EMC8: variants seen among roughly 807,000 people sequenced by gnomAD.
EMC8 encodes the protein ER membrane protein complex subunit 8, also known as COX4 neighbor.
EMC8 carries 11 observed loss-of-function variants against 24.3 expected under a neutral mutation model. The observed-to-expected ratio is 0.45, with a 90% CI of 0.28 to 0.75. The LOEUF (loss-of-function observed/expected upper bound fraction) is 0.75. Ranked by LOEUF, EMC8 falls within the 30% of genes least tolerant of loss-of-function variation. The probability of loss-of-function intolerance (pLI) is 0.12; values close to 1 mark genes in which losing one functional copy is unlikely to be tolerated. For missense variants in EMC8, 277 were observed against 282.7 expected (o/e 0.98, Z 0.14); for synonymous variants, 145 against 117.7 (o/e 1.23, Z -1.50).
At chr16:85,787,095 C>G (rs150705440) in intron 2 of EMC8, among the ~76,000 whole-genome samples, 2 of 152,132 alleles carry the variant, frequency 1.3e-5, no homozygotes, top group East Asian at 3.9e-4. Flanking sequence ...AGGTGAAGTT[C>G]AAAATGCTTC....
chr16:85,783,218 G>A (rs946279188), intron 2 of EMC8, among the ~76,000 whole-genome samples: 4 of 152,148 alleles, frequency 2.6e-5, no homozygotes, highest in African/African-American at 7.2e-5. Flanking sequence ...CAGGAGAATC[G>A]CTTGAACCCG....
intron 2 of EMC8, 41 bp downstream of exon 2, chr16:85,788,933 T>A: frequency 6.9e-7 from 1 of 1,441,412 alleles, no homozygotes; most frequent in South Asian, 1.1e-5. Flanking sequence ...GCCCAACACG[T>A]GCTCACTTCC....
intron 3 of EMC8, 45 bp from the exon 4 acceptor site, chr16:85,780,518 A>T (rs1904440109): frequency 6.8e-7 from 1 of 1,470,794 alleles, no homozygotes; most frequent in Non-Finnish European, 9.5e-7. Flanking sequence ...AATGCCAGCC[A>T]AACAGCAGCG....
At chr16:85,782,633 C>T (rs969015984) in intron 2 of EMC8, among the ~76,000 whole-genome samples, 2 of 152,194 alleles carry the variant, frequency 1.3e-5, no homozygotes, top group Non-Finnish European at 2.9e-5. Context: ...TTTAACAAGC[C>T]GCTAGTCTTG....
At chr16:85,788,405 C>T (rs1220201577) in intron 2 of EMC8, among the ~76,000 whole-genome samples, 1 of 152,278 alleles carries the variant, frequency 6.6e-6, no homozygotes, top group African/African-American at 2.4e-5. Flanking sequence ...AGATTATCAC[C>T]ACCTGAGTGT....
intron 2 of EMC8, among the ~76,000 whole-genome samples, chr16:85,783,563 G>A (rs1904610980): frequency 6.6e-6 from 1 of 152,180 alleles, no homozygotes; most frequent in African/African-American, 2.4e-5. Flanking sequence ...ACAGACTACT[G>A]CTCACCACTG....
At chr16:85,797,119 T>C (rs886346768) in intron 1 of EMC8, among the ~76,000 whole-genome samples, 1 of 152,158 alleles carries the variant, frequency 6.6e-6, no homozygotes. Context: ...ATTAAGATGG[T>C]TGGAAAGGCT....
At position 85,778,910 on chromosome 16, in the gene EMC8, G is replaced by A. The variant is rs555348797; in HGVS notation, c.*798C>T. 9 of 152,314 alleles carry A rather than the reference G, an allele frequency of 5.9e-5. No individual in the cohort carries two copies. The highest frequency in any genetic ancestry group is 2.2e-4 in the African/African-American group (9 of 41,570). 9.4% of individuals were successfully genotyped at this position (152,314 alleles called of 1,614,324 possible). On this transcript the variant is annotated 3_prime_UTR_variant, in exon 5 of 5. Coordinates refer to ENST00000253457, the MANE Select transcript of EMC8 (RefSeq NM_006067.5). ...TGACCAAATGTTCTAAGTATAAAAAGTACAGACGTCACTCTGCACAACTCG... is the reference window on the plus strand; with the variant it reads ...TGACCAAATGTTCTAAGTATAAAAAATACAGACGTCACTCTGCACAACTCG...
At chr16:85,798,246 C>G (rs992214736) in intron 1 of EMC8, among the ~76,000 whole-genome samples, 1 of 151,068 alleles carries the variant, frequency 6.6e-6, no homozygotes. Context: ...CTCAGCCTCC[C>G]GAGTGGCTGG....
rs893395731 is a variant in EMC8 at position 85,780,638 on chromosome 16, A to G, written c.379-165T>C. 1.3e-5 allele frequency: 8 copies of G among 606,310 alleles called. No individual in the cohort carries two copies. The East Asian group carries it at 2.2e-4, about 17-fold the overall frequency. The allele number at this position is 606,310 out of a possible 1,614,324, so 37.6% of individuals were successfully genotyped here. A position where few individuals can be genotyped will look rare whatever the true frequency, so the allele number is the denominator to read the frequency against. On this transcript the variant is annotated intron_variant, in intron 3 of 4. Transcript: ENST00000253457. ...TGGCGCGAGTGTCTGGCCTGAGGAAAACTGTTGTGTCATGCAGGAAAACGT... is the reference window on the plus strand; with the variant it reads ...TGGCGCGAGTGTCTGGCCTGAGGAAGACTGTTGTGTCATGCAGGAAAACGT...
chr16:85,798,283 G>A lies in EMC8; in HGVS notation c.231+782C>T, dbSNP rs376670630. Among the ~76,000 whole-genome samples the A allele has an allele frequency of 2.6e-4, 40 of 151,928 alleles. 1 individual carries two copies. The highest frequency in any genetic ancestry group is 9.7e-4 in the African/African-American group (40 of 41,386). On this transcript the variant is annotated intron_variant, in intron 1 of 4. Coordinates refer to ENST00000253457, the MANE Select transcript of EMC8 (RefSeq NM_006067.5). ...ATGACAGGCGCCCGCCACCACGCCC[G>A]GCTAAGTTTTGTATTTTTAGTAGAG...
intron 1 of EMC8, among the ~76,000 whole-genome samples, chr16:85,792,164 G>A (rs572870745): frequency 5.9e-5 from 9 of 152,154 alleles, no homozygotes; most frequent in Non-Finnish European, 1.3e-4. Flanking sequence ...TCAGAGCACA[G>A]AAACCACCTG....
chr16:85,787,948 G>A (rs1904827540), intron 2 of EMC8, among the ~76,000 whole-genome samples: 1 of 152,174 alleles, frequency 6.6e-6, no homozygotes, highest in Non-Finnish European at 1.5e-5. Flanking sequence ...TTTCCAAAGT[G>A]CTTGAGCTCA....
rs1418659834 is a variant in EMC8 at position 85,799,383 on chromosome 16, C to T, written c.-88G>A. ...GCCGCGCGGCGCCTCAGCCGAGAAG[C>T]GGGACGAGGCGGCGGCGATTGATGG... On this transcript the variant is annotated 5_prime_UTR_variant, in exon 1 of 5. Coordinates refer to ENST00000253457, the MANE Select transcript of EMC8 (RefSeq NM_006067.5). The surrounding 1 kb of genome is among the most constrained non-coding windows in gnomAD (Gnocchi z 4.2). The T allele has an allele frequency of 1.1e-5, 9 of 799,854 alleles. No individual in the cohort carries two copies. Among genetic ancestry groups the T allele is most frequent in the Non-Finnish European group, 1.4e-5 (8 of 558,836 alleles). The allele number at this position is 799,854 out of a possible 1,614,324, so 49.5% of individuals were successfully genotyped here. A position where few individuals can be genotyped will look rare whatever the true frequency, so the allele number is the denominator to read the frequency against.
At chr16:85,795,553 C>A (rs1173773640) in intron 1 of EMC8, among the ~76,000 whole-genome samples, 2 of 146,572 alleles carry the variant, frequency 1.4e-5, no homozygotes, top group African/African-American at 5.1e-5. Context: ...CTTAAGACCT[C>A]CAGGAGAGGG....
intron 2 of EMC8, 180 bp downstream of exon 2, chr16:85,788,794 T>C: frequency 1.6e-6 from 1 of 610,080 alleles, no homozygotes; most frequent in Non-Finnish European, 2.9e-6. Flanking sequence ...TAGAAATGTT[T>C]GGAATTTCTG....
chr16:85,782,251 C>G (rs1425854588), intron 2 of EMC8, among the ~76,000 whole-genome samples: 2 of 152,248 alleles, frequency 1.3e-5, no homozygotes, highest in Non-Finnish European at 2.9e-5. Context: ...AGTCCGTCAC[C>G]CTCTGAGAAA....
intron 4 of EMC8, 106 bp from the exon 5 acceptor site, chr16:85,779,973 T>C (rs2152071880): frequency 1.1e-6 from 1 of 871,622 alleles, no homozygotes; most frequent in South Asian, 1.5e-5. Context: ...TGAACAGAGA[T>C]GGTGCAGAGT....
At chr16:85,787,783 T>A (rs1904821341) in intron 2 of EMC8, among the ~76,000 whole-genome samples, 1 of 152,232 alleles carries the variant, frequency 6.6e-6, no homozygotes, top group Admixed American at 6.5e-5. Context: ...TCCTAGGACA[T>A]CTGCCTCCCT....
Sources: allele counts gnomAD v4.1 joint callset (sites outside exome capture counted in the v4.1 genomes callset), GRCh38; gene constraint gnomAD v4.1.1; non-coding constraint Gnocchi (gnomAD v3.1); transcripts MANE v1.5; gene names NCBI Gene and HGNC (gene_info 2026-07-23, HGNC 2026-07-21).